The following ADGRE1 variants were observed in gnomAD, a reference collection of about 807,000 sequenced individuals.
ADGRE1 encodes the protein adhesion G protein-coupled receptor E1.
A neutral mutation model predicts 102.7 loss-of-function variants in ADGRE1; 82 were observed. The observed-to-expected ratio is 0.80, with a 90% CI of 0.67 to 0.96. The LOEUF is 0.96. Ranked by LOEUF, ADGRE1 falls within the 40% of genes least tolerant of loss-of-function variation. The pLI is 0.00. For missense variants in ADGRE1, 1,032 were observed against 1,085.3 expected, an observed-to-expected ratio of 0.95 and a Z score of 0.69; for synonymous variants, 398 against 399.6, an observed-to-expected ratio of 1.00 and a Z score of 0.05.
Position 6,896,431 on chromosome 19 carries a change from C to G in ADGRE1, c.128C>G (p.Ala43Gly). The G allele has an allele frequency of 6.2e-7, 1 of 1,614,136 alleles. No individual in the cohort carries two copies. The highest frequency in any genetic ancestry group is 1.1e-5 in the South Asian group (1 of 91,070). Residue 43 changes from alanine (A) to glycine (G), a missense_variant, in exon 3 of 21, where the codon GCT (alanine) becomes GGT (glycine). Transcript: ENST00000312053. ...NNCRDSTLCP[A>G]YATCTNTVDS... ...TGTAGAGACAGTACCTTGTGCCCAG[C>G]TTATGCCACCTGCACCAATACAGTG... is the stretch of plus-strand genomic sequence containing the variant.
At chr19:6,907,715 A>C (rs1974020695) in intron 9 of ADGRE1, among the ~76,000 whole-genome samples, 1 of 152,020 alleles carries the variant, frequency 6.6e-6, no homozygotes, top group African/African-American at 2.4e-5. Context: ...AACACTAATC[A>C]GCTTTCTGTC....
At chr19:6,904,236 G>C in intron 8 of ADGRE1, 54 bp downstream of exon 8, 1 of 1,594,974 alleles carries the variant, frequency 6.3e-7, no homozygotes, top group Non-Finnish European at 8.5e-7. Flanking sequence ...GCTTTGGTTG[G>C]AAAATTCTCA....
intron 17 of ADGRE1, chr19:6,928,441 C>T (rs759519163): frequency 6.0e-5 from 62 of 1,030,770 alleles, no homozygotes; most frequent in Non-Finnish European, 8.1e-5. Context: ...GTCTGGCCAA[C>T]TTGGCGAAAC....
At position 6,897,448 on chromosome 19, in the gene ADGRE1, A is replaced by G. The variant is rs562101745; in HGVS notation, c.415A>G (p.Ser139Gly). 8.7e-5 allele frequency: 139 copies of G among 1,597,256 alleles called. No homozygotes were observed. Among genetic ancestry groups the G allele is most frequent in the Non-Finnish European group, 1.1e-4 (134 of 1,172,066 alleles). ...CTCAGATATCAATGAGTGCCTCACC[A>G]GCAGCGTCTGCCCTGAGCATTCTGA... ...SCTDINECLT[S>G]SVCPEHSDCV... Residue 139 changes from serine to glycine, a missense_variant, in exon 5 of 21, where the codon AGC becomes GGC. Transcript: ENST00000312053.
chr19:6,911,069 C>CGGG (rs1312885797), intron 10 of ADGRE1, among the ~76,000 whole-genome samples: 7 of 152,186 alleles, frequency 4.6e-5, no homozygotes, highest in African/African-American at 1.7e-4. Flanking sequence ...TGCCAGTTGT[C>CGGG]GAACTGAGTA....
chr19:6,925,484 C>G (rs1436756018), intron 15 of ADGRE1, among the ~76,000 whole-genome samples: 3 of 152,120 alleles, frequency 2.0e-5, no homozygotes, highest in African/African-American at 7.2e-5. Context: ...CCAGGGGAGA[C>G]TTGGCAATGT....
intron 17 of ADGRE1, among the ~76,000 whole-genome samples, chr19:6,932,956 C>T (rs1279507863): frequency 2.0e-5 from 3 of 152,268 alleles, no homozygotes; most frequent in South Asian, 2.1e-4. Flanking sequence ...CATGGTGGCT[C>T]ATGCCTGTAA....
chr19:6,929,773 G>T (rs535748366), intron 17 of ADGRE1, among the ~76,000 whole-genome samples: 2 of 151,926 alleles, frequency 1.3e-5, no homozygotes, highest in African/African-American at 2.4e-5. Context: ...TGCCTGCCTC[G>T]GCCTCCCCAA....
chr19:6,891,523 G>A (rs1446371483), intron 2 of ADGRE1, among the ~76,000 whole-genome samples: 6 of 150,332 alleles, frequency 4.0e-5, no homozygotes, highest in Admixed American at 3.3e-4. Flanking sequence ...GTGCGATCTC[G>A]GTTCACTGCA....
intron 17 of ADGRE1, among the ~76,000 whole-genome samples, chr19:6,930,417 C>A (rs1358337145): frequency 6.6e-6 from 1 of 152,078 alleles, no homozygotes; most frequent in East Asian, 1.9e-4. Flanking sequence ...TGTCTTTTGT[C>A]ATATTTTTCG....
chr19:6,905,365 T>TC (rs1973916160), intron 8 of ADGRE1, among the ~76,000 whole-genome samples: 1 of 150,664 alleles, frequency 6.6e-6, no homozygotes, highest in African/African-American at 2.4e-5. Flanking sequence ...TTTTTCTTTT[T>TC]TTTTTTTTAT....
At chr19:6,890,391 A>G in intron 1 of ADGRE1, 90 bp from the exon 2 acceptor site, 1 of 1,271,534 alleles carries the variant, frequency 7.9e-7, no homozygotes. Flanking sequence ...GGGCCAAGCC[A>G]GGAGTAATTT....
At chr19:6,890,640 G>T in intron 2 of ADGRE1, 97 bp downstream of exon 2, 1 of 1,312,814 alleles carries the variant, frequency 7.6e-7, no homozygotes, top group South Asian at 1.3e-5. Flanking sequence ...CCAGATGCTT[G>T]CTGGGAGCTA....
In ADGRE1 at chr19:6,896,556, C is replaced by T; in HGVS notation, c.238+15C>T. On this transcript the variant is annotated intron_variant, in intron 3 of 20. Transcript: ENST00000312053. ...GCGATGCAAAGGTGAGTTCATGTCC[C>T]CTCAAACCATCCAGCATTTGGTAGG... 1 of 1,609,258 alleles carries T rather than the reference C, an allele frequency of 6.2e-7. No individual in the cohort carries two copies. Among genetic ancestry groups the T allele is most frequent in the Non-Finnish European group, 8.5e-7 (1 of 1,176,302 alleles).
chr19:6,934,419 C>CTTTTTT (rs71177132), intron 17 of ADGRE1, among the ~76,000 whole-genome samples: 26 of 95,416 alleles, frequency 2.7e-4, no homozygotes, highest in Non-Finnish European at 3.3e-4. Flanking sequence ...TCTTCTTCTT[C>CTTTTTT]TTTTTTTTTT....
At chr19:6,908,845 T>C in intron 10 of ADGRE1, 73 bp downstream of exon 10, 3 of 1,425,400 alleles carry the variant, frequency 2.1e-6, no homozygotes, top group Non-Finnish European at 2.9e-6. Flanking sequence ...CAGAAAGATG[T>C]CTTTATGGCT....
chr19:6,940,053 G>A lies in ADGRE1; in HGVS notation c.*24G>A. The A allele has an allele frequency of 6.2e-7, 1 of 1,613,132 alleles. No individual in the cohort carries two copies. The highest frequency in any genetic ancestry group is 8.5e-7 in the Non-Finnish European group (1 of 1,179,564). ...AAAGTCCTTTCTTGCTTTCAAATATGCTATGGAGCCACAGTTGAGGACAGT... is the reference window on the plus strand; with the variant it reads ...AAAGTCCTTTCTTGCTTTCAAATATACTATGGAGCCACAGTTGAGGACAGT... On this transcript the variant is annotated 3_prime_UTR_variant, in exon 21 of 21. Coordinates refer to ENST00000312053, the MANE Select transcript of ADGRE1 (RefSeq NM_001974.5).
At chr19:6,910,254 A>G (rs1264983009) in intron 10 of ADGRE1, among the ~76,000 whole-genome samples, 2 of 152,016 alleles carry the variant, frequency 1.3e-5, no homozygotes, top group African/African-American at 2.4e-5. Flanking sequence ...AACTTAGTTC[A>G]ATTTCCTCGA....
At chr19:6,928,627 TCA>T in intron 17 of ADGRE1, 1 of 121,152 alleles carries the variant, frequency 8.3e-6, no homozygotes. Context: ...AAACTCCGTC[TCA>T]AAAAAAAAAA....
Sources: gnomAD v4.1 joint callset for allele counts (sites outside exome capture counted in the v4.1 genomes callset) on GRCh38, gnomAD v4.1.1 for gene constraint, MANE v1.5 for transcripts, NCBI Gene and HGNC (gene_info 2026-07-23, HGNC 2026-07-21) for gene names.